Variants in ARB2A observed in about 807,000 individuals in gnomAD.
The protein encoded by ARB2A is ARB2 cotranscriptional regulator A.
chr5:93,820,137 A>G, the ARB2A span, among the ~76,000 whole-genome samples: 1 of 152,224 alleles, frequency 6.6e-6, no homozygotes, highest in African/African-American at 2.4e-5. Flanking sequence ...CTAATGAAAT[A>G]TATTTACTAA....
At chr5:94,047,966 C>T in the ARB2A span, among the ~76,000 whole-genome samples, 1 of 149,460 alleles carries the variant, frequency 6.7e-6, no homozygotes, top group East Asian at 2.0e-4. Flanking sequence ...ACCACAAGCT[C>T]TTTTCTAAGG....
the ARB2A span, among the ~76,000 whole-genome samples, chr5:93,690,752 T>C: frequency 6.6e-6 from 1 of 152,288 alleles, no homozygotes; most frequent in South Asian, 2.1e-4. Context: ...CTGTGCCTCC[T>C]GACTGGGAGC....
the ARB2A span, chr5:93,741,521 C>A: frequency 2.5e-6 from 4 of 1,606,688 alleles, no homozygotes; most frequent in Admixed American, 6.8e-5. Context: ...CCACCACTGC[C>A]TGGAAGGGGG....
chr5:94,008,229 G>C, the ARB2A span, among the ~76,000 whole-genome samples: 2 of 152,052 alleles, frequency 1.3e-5, no homozygotes, highest in Non-Finnish European at 2.9e-5. Flanking sequence ...TTGAAGAAAT[G>C]GTAGAAGTAT....
the ARB2A span, among the ~76,000 whole-genome samples, chr5:93,796,240 A>C: frequency 6.6e-5 from 10 of 152,164 alleles, no homozygotes; most frequent in Non-Finnish European, 1.0e-4. Flanking sequence ...TTCTTTTCCA[A>C]TCTTAGTTGT....
chr5:93,674,768 C>A, the ARB2A span, among the ~76,000 whole-genome samples: 1 of 152,216 alleles, frequency 6.6e-6, no homozygotes, highest in South Asian at 2.1e-4. Flanking sequence ...TATTTTTTTA[C>A]AAACTGTGTG....
the ARB2A span, among the ~76,000 whole-genome samples, chr5:93,961,640 C>T: frequency 1.3e-5 from 2 of 151,794 alleles, no homozygotes; most frequent in South Asian, 4.1e-4. Flanking sequence ...GCCATGACTG[C>T]ACCACAGCAC....
chr5:94,038,975 T>C, the ARB2A span, among the ~76,000 whole-genome samples: 1 of 152,170 alleles, frequency 6.6e-6, no homozygotes, highest in East Asian at 1.9e-4. Context: ...CCTATGATGA[T>C]CAATCAGAAG....
At chr5:93,991,572 G>T in the ARB2A span, among the ~76,000 whole-genome samples, 1 of 149,678 alleles carries the variant, frequency 6.7e-6, no homozygotes, top group Admixed American at 6.6e-5. Context: ...AATGAGAAAA[G>T]AAATAGATTT....
At chr5:94,018,301 T>C in the ARB2A span, among the ~76,000 whole-genome samples, 2 of 152,196 alleles carry the variant, frequency 1.3e-5, no homozygotes, top group Non-Finnish European at 2.9e-5. Context: ...ATCTTACAAA[T>C]GCCTTTTTCT....
At chr5:93,793,398 C>A in the ARB2A span, among the ~76,000 whole-genome samples, 1 of 151,756 alleles carries the variant, frequency 6.6e-6, no homozygotes, top group Non-Finnish European at 1.5e-5. Flanking sequence ...TCTTTTAACT[C>A]CAGATCCCGT....
the ARB2A span, among the ~76,000 whole-genome samples, chr5:94,081,226 T>C: frequency 1.3e-5 from 2 of 152,190 alleles, no homozygotes; most frequent in South Asian, 2.1e-4. Flanking sequence ...CCTGATATAT[T>C]GCTAGTGTGA....
At chr5:94,039,880 C>T in the ARB2A span, among the ~76,000 whole-genome samples, 2 of 152,232 alleles carry the variant, frequency 1.3e-5, no homozygotes, top group East Asian at 1.9e-4. Context: ...CACCCCCCAA[C>T]CCCGATCACT....
the ARB2A span, among the ~76,000 whole-genome samples, chr5:93,769,534 T>A: frequency 6.6e-6 from 1 of 152,170 alleles, no homozygotes; most frequent in Admixed American, 6.5e-5. Context: ...AGGGAAAGCA[T>A]TAAGTCAGGC....
At chr5:94,081,199 T>C in the ARB2A span, among the ~76,000 whole-genome samples, 1 of 152,146 alleles carries the variant, frequency 6.6e-6, no homozygotes, top group Non-Finnish European at 1.5e-5. Flanking sequence ...TTTGTGACAA[T>C]GAGAAGAAAC....
chr5:93,984,870 A>G, the ARB2A span, among the ~76,000 whole-genome samples: 1 of 152,242 alleles, frequency 6.6e-6, no homozygotes, highest in Non-Finnish European at 1.5e-5. Context: ...ATGAAAAACA[A>G]TATTTTAAAA....
At chr5:94,035,355 T>C in the ARB2A span, among the ~76,000 whole-genome samples, 95 of 152,222 alleles carry the variant, frequency 6.2e-4, 1 homozygote, top group Non-Finnish European at 4.0e-4. Flanking sequence ...GAGTTTATGG[T>C]GAAATTCCCA....
the ARB2A span, among the ~76,000 whole-genome samples, chr5:93,757,012 A>G: frequency 6.6e-6 from 1 of 152,210 alleles, no homozygotes; most frequent in Non-Finnish European, 1.5e-5. Flanking sequence ...TTCAGAAAAT[A>G]GACAGCTTAA....
the ARB2A span, among the ~76,000 whole-genome samples, chr5:93,986,740 T>A: frequency 6.6e-6 from 1 of 152,188 alleles, no homozygotes; most frequent in Non-Finnish European, 1.5e-5. Flanking sequence ...CTCGGAAACA[T>A]GTGCTGTGTC....
Sources: allele counts gnomAD v4.1 joint callset (sites outside exome capture counted in the v4.1 genomes callset), GRCh38; gene constraint gnomAD v4.1.1; transcripts MANE v1.5; gene names NCBI Gene and HGNC (gene_info 2026-07-23, HGNC 2026-07-21).